Variants in SPTBN5 observed in about 807,000 individuals in gnomAD.
The protein encoded by SPTBN5 is spectrin beta chain, non-erythrocytic 5.
SPTBN5 carries 513 observed loss-of-function variants against 477.6 expected under a neutral mutation model. The observed-to-expected ratio is 1.07, with a 90% CI of 1.00 to 1.16. The LOEUF (loss-of-function observed/expected upper bound fraction) is 1.16. SPTBN5 is among the 50% of genes most tolerant of loss of function. The probability of loss-of-function intolerance (pLI) is 0.00; values close to 1 mark genes in which losing one functional copy is unlikely to be tolerated. For missense variants in SPTBN5, 5,062 were observed against 4,731.8 expected (o/e 1.07, Z -2.05); for synonymous variants, 2,169 against 2,011.7 (o/e 1.08, Z -2.09).
Position 41,871,813 on chromosome 15 carries a change from TC to T in SPTBN5, c.5269del (p.Glu1757ArgfsTer42), listed in dbSNP as rs776567700. The T allele has an allele frequency of 3.1e-6, 5 of 1,591,726 alleles. No individual in the cohort carries two copies. The South Asian group carries it at 4.6e-5, about 15-fold the overall frequency. Reference protein sequence around the residue: ...ASQKQAAKGGESLGEDPEHAL... With the variant: ...ASQKQAAKGGXSLGEDPEHAL... The stretch of plus-strand genomic sequence containing the variant: ...GTGCTCGGGGTCCTCTCCCAGGCTC[TC>T]CCCTCCTTTGGCTGCCTGCTTCTGG... On this transcript the variant is annotated frameshift_variant, in exon 28 of 68. Transcript: ENST00000320955. LOFTEE classifies it high-confidence loss of function.
chr15:41,854,960 A>G lies in SPTBN5; in HGVS notation c.9440T>C (p.Phe3147Ser), dbSNP rs747259783. 2.6e-6 allele frequency: 4 copies of G among 1,549,026 alleles called. No homozygotes were observed. Among genetic ancestry groups the G allele is most frequent in the South Asian group, 1.2e-5 (1 of 81,842 alleles). Residue 3147 changes from phenylalanine (F) to serine (S), a missense_variant, in exon 56 of 68, where the codon TTT becomes TCT. By Grantham distance (155) the Phe-to-Ser change is radical. Transcript: ENST00000320955. ...LEGVKVLEEK[F>S]DAFRKEVQSL... ...CTGCACTTCCTTTCTGAAAGCATCA[A>G]ACTTCTCTTCCAGCACCTGCAAAGG...
intron 43 of SPTBN5, 112 bp from the exon 44 acceptor site, chr15:41,862,404 G>C: frequency 7.3e-6 from 11 of 1,516,626 alleles, no homozygotes; most frequent in Non-Finnish European, 9.7e-6. Context: ...CCATGGGCTG[G>C]GAGTTACTGG....
chr15:41,866,273 T>A, intron 37 of SPTBN5, 44 bp from the exon 38 acceptor site: 1 of 1,575,696 alleles, frequency 6.3e-7, no homozygotes, highest in Non-Finnish European at 8.6e-7. Context: ...CTGCTGCACT[T>A]CCTCCTAAGA....
intron 13 of SPTBN5, 26 bp from the exon 14 acceptor site, chr15:41,880,338 G>C (rs2066907184): frequency 2.5e-6 from 4 of 1,578,292 alleles, no homozygotes; most frequent in African/African-American, 1.3e-5. Context: ...CCAAGGCTGG[G>C]GTGAGGGTCA....
At chr15:41,885,660 C>CA in intron 7 of SPTBN5, 75 bp downstream of exon 7, 1 of 1,480,874 alleles carries the variant, frequency 6.8e-7, no homozygotes, top group Non-Finnish European at 9.0e-7. Context: ...AGAATGGGCA[C>CA]ATGACATGGA....
chr15:41,848,308 C>A lies in SPTBN5; in HGVS notation c.*308G>T. On this transcript the variant is annotated 3_prime_UTR_variant, in exon 68 of 68. Transcript: ENST00000320955. Reference sequence around the variant, plus strand: ...TGCGTCTACCTGTGCTCAGAGTCACCCCTTCCAAGCAAGGAGGAGGCCACA... The same window carrying A: ...TGCGTCTACCTGTGCTCAGAGTCACACCTTCCAAGCAAGGAGGAGGCCACA... 1 of 534,302 alleles carries A rather than the reference C, an allele frequency of 1.9e-6. No homozygotes were observed. The highest frequency in any genetic ancestry group is 3.4e-6 in the Non-Finnish European group (1 of 295,640). 33.1% of individuals were successfully genotyped at this position (534,302 alleles called of 1,614,324 possible).
rs780839357 is a variant in SPTBN5, at chr15:41,850,985, C to T, written c.10836-46G>A. On this transcript the variant is annotated intron_variant, in intron 65 of 67. Coordinates refer to ENST00000320955, the MANE Select transcript of SPTBN5 (RefSeq NM_016642.4). ...TCAAACTCCACTGTCCCTTTGGGGACCCCCACGCCTCCAGCCCCCGCTGAG... is the reference window on the plus strand; with the variant it reads ...TCAAACTCCACTGTCCCTTTGGGGATCCCCACGCCTCCAGCCCCCGCTGAG... The T allele has an allele frequency of 7.6e-6, 12 of 1,587,976 alleles. No individual in the cohort carries two copies. The South Asian group carries it at 1.0e-4, about 14-fold the overall frequency.
Position 41,883,182 on chromosome 15 carries a change from A to G in SPTBN5, c.1706T>C (p.Val569Ala), listed in dbSNP as rs760842864. Residue 569 changes from valine (V) to alanine (A), a missense_variant, in exon 9 of 68, where the codon GTG becomes GCG. By Grantham distance (64) the Val-to-Ala change is moderately conservative. Coordinates refer to ENST00000320955, the MANE Select transcript of SPTBN5 (RefSeq NM_016642.4). ...CAGGTCATGCCTCTGCAGCAGCTCC[A>G]CCACTTCTGCCAGCTGCTGCCCACA... is the stretch of plus-strand genomic sequence containing the variant. ...TACGQQLAEV[V>A]ELLQRHDLLE... 6.2e-7 allele frequency: 1 copy of G among 1,612,636 alleles called. No individual in the cohort carries two copies. Among genetic ancestry groups the G allele is most frequent in the Non-Finnish European group, 8.5e-7 (1 of 1,179,724 alleles).
chr15:41,871,809 G>C lies in SPTBN5; in HGVS notation c.5274C>G (p.Ser1758Arg). Residue 1758 changes from serine (S) to arginine (R), a missense_variant, in exon 28 of 68, where the codon AGC becomes AGG. Ser to Arg is a moderately radical substitution (Grantham distance 110). Coordinates refer to ENST00000320955, the MANE Select transcript of SPTBN5 (RefSeq NM_016642.4). ...GGGCGTGCTCGGGGTCCTCTCCCAG[G>C]CTCTCCCCTCCTTTGGCTGCCTGCT... ...SQKQAAKGGE[S>R]LGEDPEHALH... 1 of 1,591,684 alleles carries C rather than the reference G, an allele frequency of 6.3e-7. No homozygotes were observed. Among genetic ancestry groups the C allele is most frequent in the Non-Finnish European group, 8.6e-7 (1 of 1,169,482 alleles).
chr15:41,878,412 C>T lies in SPTBN5; in HGVS notation c.3400G>A (p.Val1134Met), dbSNP rs759501912. The T allele has an allele frequency of 9.9e-6, 16 of 1,613,696 alleles. No homozygotes were observed. The Admixed American group carries it at 2.0e-4, about 20-fold the overall frequency. Reference protein sequence around the residue: ...QLRSKEVSVDVASAQRLLREH... With the variant: ...QLRSKEVSVDMASAQRLLREH... ...CTCAGCAGCCGCTGAGCCGAGGCCA[C>T]ATCCACTGACACCTCCTTGCTGCGC... Residue 1134 changes from valine (V) to methionine (M), a missense_variant, in exon 17 of 68, where the codon GTG (valine) becomes ATG (methionine). Coordinates refer to ENST00000320955, the MANE Select transcript of SPTBN5 (RefSeq NM_016642.4).
chr15:41,885,755 G>T lies in SPTBN5; in HGVS notation c.1500C>A (p.Ser500Arg). The T allele has an allele frequency of 6.4e-7, 1 of 1,557,288 alleles. No individual in the cohort carries two copies. The highest frequency in any genetic ancestry group is 8.7e-7 in the Non-Finnish European group (1 of 1,150,638). Residue 500 changes from serine (S) to arginine (R), a missense_variant, in exon 7 of 68, where the codon AGC becomes AGA. Transcript: ENST00000320955. ...CTCACCTGCGGGCCACATCTGCCCA[G>T]CTGTGGTACTGCTCCTGCCGGAGGA... The part of the protein sequence containing the change: ...ADILRQEQYH[S>R]WADVARRQEE...
At position 41,894,049 on chromosome 15, in the gene SPTBN5, G is replaced by T. The variant is rs376955936; in HGVS notation, c.-200C>A. ...AGCCCTCCCCTTGAGCCAGCGTGCTGGGGTGACGGCACACAGGCGGCATTG... is the reference window on the plus strand; with the variant it reads ...AGCCCTCCCCTTGAGCCAGCGTGCTTGGGTGACGGCACACAGGCGGCATTG... On this transcript the variant is annotated 5_prime_UTR_variant, in exon 1 of 68. Coordinates refer to ENST00000320955, the MANE Select transcript of SPTBN5 (RefSeq NM_016642.4). The T allele has an allele frequency of 8.1e-5, 13 of 160,186 alleles. No homozygotes were observed. In the South Asian group the frequency reaches 9.0e-4, roughly 11 times the overall value. 9.9% of individuals were successfully genotyped at this position (160,186 alleles called of 1,614,324 possible).
Position 41,893,461 on chromosome 15 carries a change from C to T in SPTBN5, c.37G>A (p.Gly13Arg), listed in dbSNP as rs377126279. 298 of 1,605,042 alleles carry T rather than the reference C, an allele frequency of 1.9e-4. No individual in the cohort carries two copies. The highest frequency in any genetic ancestry group is 2.3e-4 in the Non-Finnish European group (274 of 1,177,606). ...GQPHSPRELL[G>R]AAGHRSRRPS... ...CTCCTGCTGCGGTGCCCTGCAGCCCCGAGGAGCTCCCGGGGACTGTGGGGC... is the reference window on the plus strand; with the variant it reads ...CTCCTGCTGCGGTGCCCTGCAGCCCTGAGGAGCTCCCGGGGACTGTGGGGC... Residue 13 changes from glycine to arginine, a missense_variant, in exon 2 of 68, where the codon GGG becomes AGG. By Grantham distance (125) the Gly-to-Arg change is moderately radical (BLOSUM62 -2). Transcript: ENST00000320955.
At chr15:41,859,284 G>A (rs1007187781) in intron 47 of SPTBN5, among the ~76,000 whole-genome samples, 4 of 152,058 alleles carry the variant, frequency 2.6e-5, no homozygotes, top group East Asian at 3.9e-4. Context: ...TCAGCCTCCC[G>A]AGTAGCTAGG....
At chr15:41,870,152 C>G in intron 31 of SPTBN5, 91 bp downstream of exon 31, 1 of 1,478,246 alleles carries the variant, frequency 6.8e-7, no homozygotes, top group Non-Finnish European at 9.0e-7. Context: ...ATGGGAGGCC[C>G]TGAGGGACAG....
Position 41,853,326 on chromosome 15 carries a change from G to A in SPTBN5, c.10102C>T (p.Leu3368Phe). The change falls in exon 59 of 68, where the codon CTT becomes TTT. Residue 3368 changes from leucine (L) to phenylalanine (F), a missense_variant. Leu to Phe is a conservative substitution (Grantham distance 22, BLOSUM62 0). Transcript: ENST00000320955. ...ELGQEIRECR[L>F]QAQDLRQEGQ... ...TCCTGCCGCAGGTCCTGGGCTTGAA[G>A]GCGGCACTCCCTGATTTCTTGCCCC... 6.2e-7 allele frequency: 1 copy of A among 1,612,840 alleles called. No individual in the cohort carries two copies. The highest frequency in any genetic ancestry group is 1.1e-5 in the South Asian group (1 of 91,072).
chr15:41,875,819 C>G (rs767374442), intron 21 of SPTBN5, among the ~76,000 whole-genome samples, 197 bp from the exon 22 acceptor site: 1 of 152,082 alleles, frequency 6.6e-6, no homozygotes, highest in Non-Finnish European at 1.5e-5. Context: ...GCAAATAGAG[C>G]GGGGTGAGCC....
At position 41,870,112 on chromosome 15, in the gene SPTBN5, GGGCCACGTCCT is replaced by G. The variant is rs1309806069; in HGVS notation, c.5674-103_5674-93del. 2.8e-6 allele frequency: 4 copies of G among 1,448,680 alleles called. No homozygotes were observed. In the East Asian group the frequency reaches 1.0e-4, roughly 36 times the overall value. 89.7% of individuals were successfully genotyped at this position (1,448,680 alleles called of 1,614,324 possible). ...CTTGCCTGGGAACTCTGGCCCCCTT[GGGCCACGTCCT>G]GCCATGCACAGGAGGCCCATGGGAG... On this transcript the variant is annotated intron_variant, in intron 31 of 67. Transcript: ENST00000320955.
intron 58 of SPTBN5, 55 bp from the exon 59 acceptor site, chr15:41,853,502 A>G: frequency 6.5e-7 from 1 of 1,537,714 alleles, no homozygotes; most frequent in African/African-American, 1.4e-5. Flanking sequence ...CAGGGGAGGG[A>G]GGGTCCAGCT....
Sources: gnomAD v4.1 joint callset for allele counts (sites outside exome capture counted in the v4.1 genomes callset) on GRCh38, gnomAD v4.1.1 for gene constraint, MANE v1.5 for transcripts, NCBI Gene and HGNC (gene_info 2026-07-23, HGNC 2026-07-21) for gene names.